The following DIAPH2 variants were observed in gnomAD, a reference collection of about 807,000 sequenced individuals.
The protein encoded by DIAPH2 is diaphanous related formin 2.
In DIAPH2, 35 loss-of-function variants were observed where a neutral mutation model predicts 92.7. That is an observed-to-expected ratio of 0.38 (90% CI 0.29 to 0.50). DIAPH2 has a LOEUF of 0.50. Ranked by LOEUF, DIAPH2 falls within the 20% of genes least tolerant of loss-of-function variation. The probability of loss-of-function intolerance (pLI) is 0.94; values close to 1 mark genes in which losing one functional copy is unlikely to be tolerated. For synonymous variants in DIAPH2, 301 were observed against 280.4 expected (o/e 1.07, Z -0.73); for missense variants, 701 against 819.5 (o/e 0.86, Z 1.77).
intron 23 of DIAPH2, among the ~76,000 whole-genome samples, chrX:97,261,506 G>A (rs1439820226): frequency 2.7e-5 from 3 of 110,609 alleles, no homozygotes; most frequent in Non-Finnish European, 3.8e-5. Context: ...TCGGGAATAA[G>A]GTATTTTAAT....
At chrX:96,927,719 G>A (rs756368821) in intron 9 of DIAPH2, among the ~76,000 whole-genome samples, 2 of 111,414 alleles carry the variant, frequency 1.8e-5, no homozygotes, top group East Asian at 5.7e-4. Flanking sequence ...GTGTTCACAT[G>A]CATATACATG....
intron 22 of DIAPH2, among the ~76,000 whole-genome samples, chrX:97,143,143 C>G (rs957175577): frequency 5.4e-5 from 6 of 111,398 alleles, no homozygotes; most frequent in African/African-American, 2.0e-4. Flanking sequence ...CAAATTACAA[C>G]TATAATGGCA....
chrX:96,872,412 C>T (rs941019099), intron 4 of DIAPH2, among the ~76,000 whole-genome samples: 4 of 111,012 alleles, frequency 3.6e-5, no homozygotes, highest in Admixed American at 9.6e-5. Flanking sequence ...GTTCTATCCA[C>T]GTTGTTGCAA....
chrX:97,317,576 A>G (rs1000890018), intron 23 of DIAPH2, among the ~76,000 whole-genome samples: 1 of 112,160 alleles, frequency 8.9e-6, no homozygotes, highest in African/African-American at 3.2e-5. Flanking sequence ...ACGCCAAACC[A>G]TGTTGAAATT....
In DIAPH2 at chrX:96,967,035, A is replaced by G. The variant is rs760669286; in HGVS notation, c.2050+1828A>G. 1.5e-4 allele frequency among the ~76,000 whole-genome samples: 17 copies of G among 112,096 alleles called. 1 individual carries two copies. The South Asian group carries it at 4.5e-3, about 30-fold the overall frequency. On this transcript the variant is annotated intron_variant, in intron 17 of 26. Transcript: ENST00000324765. ...ATTTTATTTTACTTTCATTTTAAAAAATAATTTTAACTCTTATTCTGTATT... is the reference window on the plus strand; with the variant it reads ...ATTTTATTTTACTTTCATTTTAAAAGATAATTTTAACTCTTATTCTGTATT...
chrX:97,209,574 A>G (rs139754944), intron 22 of DIAPH2, among the ~76,000 whole-genome samples: 1,722 of 111,475 alleles, frequency 0.015, 13 homozygotes, highest in Non-Finnish European at 0.022. Flanking sequence ...GATTAAGATC[A>G]AATTTTAACC....
intron 17 of DIAPH2, among the ~76,000 whole-genome samples, chrX:96,977,391 A>C (rs1253577752): frequency 8.9e-6 from 1 of 111,998 alleles, no homozygotes; most frequent in Non-Finnish European, 1.9e-5. Flanking sequence ...TGTGGTCTTC[A>C]TGTCATTAGG....
chrX:97,334,998 C>CA (rs746536131), intron 23 of DIAPH2, among the ~76,000 whole-genome samples: 317 of 31,450 alleles, frequency 0.01, 8 homozygotes, highest in East Asian at 0.048. Flanking sequence ...AAAAACAAAA[C>CA]AAAAAAAAAA....
intron 23 of DIAPH2, among the ~76,000 whole-genome samples, chrX:97,314,666 A>G (rs1190143436): frequency 1.8e-5 from 2 of 111,805 alleles, no homozygotes; most frequent in Non-Finnish European, 1.9e-5. Flanking sequence ...ATATCTTTCT[A>G]TACTGTAGGG....
chrX:96,745,061 C>T (rs1351641278), intron 3 of DIAPH2, among the ~76,000 whole-genome samples: 1 of 106,661 alleles, frequency 9.4e-6, no homozygotes, highest in African/African-American at 3.4e-5. Context: ...GGCTGGAGTG[C>T]AATGGCGCGA....
intron 23 of DIAPH2, among the ~76,000 whole-genome samples, chrX:97,314,565 G>T (rs187031929): frequency 2.7e-5 from 3 of 111,955 alleles, no homozygotes; most frequent in Non-Finnish European, 3.8e-5. Flanking sequence ...TTCAATAGAG[G>T]TCACAGTATT....
chrX:97,058,602 T>A (rs2066574682), intron 17 of DIAPH2, among the ~76,000 whole-genome samples: 1 of 110,495 alleles, frequency 9.1e-6, no homozygotes, highest in Non-Finnish European at 1.9e-5. Context: ...TACCTTTTTA[T>A]TGTTCTTTTT....
At chrX:97,180,166 A>G (rs765103390) in intron 22 of DIAPH2, among the ~76,000 whole-genome samples, 29 of 112,452 alleles carry the variant, frequency 2.6e-4, no homozygotes, top group Non-Finnish European at 7.5e-5. Flanking sequence ...GAACTAATTT[A>G]CATTCCCACC....
chrX:96,948,956 C>A lies in DIAPH2; in HGVS notation c.1531C>A (p.Arg511=), dbSNP rs1409571572. The change falls in exon 15 of 27, where the codon CGA becomes AGA. Residue 511 remains arginine (R), a synonymous_variant. Coordinates refer to ENST00000324765, the MANE Select transcript of DIAPH2 (RefSeq NM_006729.5). ...GCAGTTCGATGAAGAATTCACAGCT[C>A]GACAGGAAGCTCAAGCAGAGCTTCA... ...SKKFDEEFTA[R]QEAQAELQKR... The A allele has an allele frequency of 2.5e-6, 3 of 1,195,073 alleles. No homozygotes were observed. The African/African-American group carries it at 5.3e-5, about 21-fold the overall frequency.
chrX:96,774,136 A>G (rs1380432021), intron 4 of DIAPH2, among the ~76,000 whole-genome samples: 1 of 111,881 alleles, frequency 8.9e-6, no homozygotes, highest in Non-Finnish European at 1.9e-5. Flanking sequence ...ATAGATTAGG[A>G]AAGTGTGGCT....
At chrX:96,933,711 C>A (rs184261755) in intron 10 of DIAPH2, among the ~76,000 whole-genome samples, 25 of 106,209 alleles carry the variant, frequency 2.4e-4, no homozygotes, top group African/African-American at 8.6e-4. Flanking sequence ...TCAAGCGATT[C>A]TTGTGCCTCA....
At chrX:97,043,867 A>G (rs1260918976) in intron 17 of DIAPH2, among the ~76,000 whole-genome samples, 13 of 112,316 alleles carry the variant, frequency 1.2e-4, no homozygotes, top group Admixed American at 9.4e-4. Flanking sequence ...ATTTTAAATG[A>G]ATACTCTTGA....
At position 97,126,149 on chromosome X, in the gene DIAPH2, A is replaced by C. The variant is rs181063013; in HGVS notation, c.2589+11184A>C. On this transcript the variant is annotated intron_variant, in intron 21 of 26. Coordinates refer to ENST00000324765, the MANE Select transcript of DIAPH2 (RefSeq NM_006729.5). ...AACATGAATGGCATTTAGTGAATAT[A>C]ATTAGTAAGTCTGAAAACAAAGGCT... Among the ~76,000 whole-genome samples, 25 of 111,949 alleles carry C rather than the reference A, an allele frequency of 2.2e-4. 1 individual carries two copies. The highest frequency in any genetic ancestry group is 7.5e-5 in the Non-Finnish European group (4 of 53,149).
intron 22 of DIAPH2, among the ~76,000 whole-genome samples, chrX:97,220,153 CT>C (rs2067912862): frequency 9.0e-6 from 1 of 111,170 alleles, no homozygotes; most frequent in South Asian, 3.8e-4. Flanking sequence ...TGTACCCCAC[CT>C]TCTGTCAAAA....
Sources: gnomAD v4.1 joint callset for allele counts (sites outside exome capture counted in the v4.1 genomes callset) on GRCh38, gnomAD v4.1.1 for gene constraint, MANE v1.5 for transcripts, NCBI Gene and HGNC (gene_info 2026-07-23, HGNC 2026-07-21) for gene names.